The following SPOPL variants were observed in gnomAD, a reference collection of about 807,000 sequenced individuals.
SPOPL encodes the protein speckle-type POZ protein-like.
Under a neutral mutation model 53.8 loss-of-function variants are expected in SPOPL, and 23 were observed. The ratio of observed to expected loss-of-function variants is 0.43; its 90% CI spans 0.31 to 0.61. The LOEUF is 0.61. SPOPL is among the 20% of genes least tolerant of loss of function. The probability of loss-of-function intolerance (pLI) is 0.12; values close to 1 mark genes in which losing one functional copy is unlikely to be tolerated. For synonymous variants in SPOPL, 164 were observed against 149.7 expected (o/e 1.10, Z -0.70); for missense variants, 442 against 466.9 (o/e 0.95, Z 0.49).
At chr2:138,533,172 A>G (rs1346430157) in intron 1 of SPOPL, among the ~76,000 whole-genome samples, 1 of 152,220 alleles carries the variant, frequency 6.6e-6, no homozygotes, top group South Asian at 2.1e-4. Context: ...AATTTAATAA[A>G]CAAAGGAGAG....
chr2:138,503,411 C>G (rs746201969), intron 1 of SPOPL, among the ~76,000 whole-genome samples: 47 of 152,166 alleles, frequency 3.1e-4, no homozygotes, highest in Non-Finnish European at 6.0e-4. Context: ...TGGCACAGGG[C>G]AAATATCTGA....
chr2:138,558,898 T>C (rs769135863), intron 5 of SPOPL, 124 bp from the exon 6 acceptor site: 18 of 654,736 alleles, frequency 2.7e-5, no homozygotes, highest in Admixed American at 1.2e-4. Flanking sequence ...ATATTAGAAA[T>C]TTTGATTAGG....
chr2:138,564,540 A>T, intron 8 of SPOPL, 168 bp from the exon 9 acceptor site: 1 of 694,044 alleles, frequency 1.4e-6, no homozygotes, highest in Non-Finnish European at 2.2e-6. Flanking sequence ...TTCTAAGTGC[A>T]TTTGTTTATA....
chr2:138,568,999 A>G lies in SPOPL; in HGVS notation c.1098A>G (p.Leu366=), dbSNP rs373978895. The G allele has an allele frequency of 4.0e-5, 65 of 1,614,006 alleles. No individual in the cohort carries two copies. The highest frequency in any genetic ancestry group is 5.1e-5 in the Non-Finnish European group (60 of 1,179,954). ...WKSMIQSHPH[L]VAEAFRALAS... ...CCATGATTCAGTCTCACCCTCATTTAGTAGCAGAAGCCTTTCGAGCACTAG... is the reference window on the plus strand; with the variant it reads ...CCATGATTCAGTCTCACCCTCATTTGGTAGCAGAAGCCTTTCGAGCACTAG... Residue 366 remains leucine (L), a synonymous_variant, in exon 11 of 11, where the codon TTA becomes TTG. Coordinates refer to ENST00000280098, the MANE Select transcript of SPOPL (RefSeq NM_001001664.3).
chr2:138,521,645 G>A (rs962521826), intron 1 of SPOPL, among the ~76,000 whole-genome samples: 17 of 152,118 alleles, frequency 1.1e-4, no homozygotes, highest in African/African-American at 3.4e-4. Flanking sequence ...ATAACAGCAT[G>A]TGTTAATAGC....
intron 1 of SPOPL, among the ~76,000 whole-genome samples, chr2:138,525,663 A>AAAAAAAAAAAAAAAAAAAAC (rs1558865850): frequency 3.1e-5 from 4 of 130,472 alleles, no homozygotes; most frequent in Non-Finnish European, 3.1e-5. Context: ...GTAGAAAAAA[A>AAAAAAAAAAAAAAAAAAAAC]AAAAAAAAAA....
chr2:138,507,345 AT>A (rs1684236613), intron 1 of SPOPL, among the ~76,000 whole-genome samples: 1 of 150,736 alleles, frequency 6.6e-6, no homozygotes. Flanking sequence ...AATACTCACT[AT>A]TTATCAGACA....
intron 1 of SPOPL, among the ~76,000 whole-genome samples, chr2:138,543,719 CCTT>C (rs1176754810): frequency 1.3e-5 from 2 of 152,228 alleles, no homozygotes; most frequent in South Asian, 2.1e-4. Flanking sequence ...TCGTCTGAAG[CCTT>C]CTTCTCTCAA....
intron 5 of SPOPL, among the ~76,000 whole-genome samples, chr2:138,554,045 A>G (rs1343364795): frequency 2.0e-5 from 3 of 150,102 alleles, no homozygotes; most frequent in Non-Finnish European, 4.4e-5. Flanking sequence ...AGTTTTAGAA[A>G]TGAACCTTTT....
intron 1 of SPOPL, among the ~76,000 whole-genome samples, chr2:138,519,056 A>G (rs914187700): frequency 6.6e-6 from 1 of 152,204 alleles, no homozygotes; most frequent in Non-Finnish European, 1.5e-5. Flanking sequence ...CATATTATAG[A>G]CAAGAAAACT....
chr2:138,530,730 GTGTGTC>G (rs1684788174), intron 1 of SPOPL, among the ~76,000 whole-genome samples: 1 of 152,100 alleles, frequency 6.6e-6, no homozygotes, highest in South Asian at 2.1e-4. Flanking sequence ...ATTCCTGTTA[GTGTGTC>G]TGACTTAAGC....
At chr2:138,538,529 T>A (rs1462647312) in intron 1 of SPOPL, among the ~76,000 whole-genome samples, 1 of 152,204 alleles carries the variant, frequency 6.6e-6, no homozygotes. Context: ...AGCTCTCTTC[T>A]GCATGAAATA....
intron 1 of SPOPL, among the ~76,000 whole-genome samples, chr2:138,510,513 G>A (rs1471018737): frequency 6.6e-6 from 1 of 152,176 alleles, no homozygotes; most frequent in Admixed American, 6.5e-5. Context: ...TGTTAGAGGG[G>A]TGTTGAAGTG....
At chr2:138,519,437 A>AT (rs1684510517) in intron 1 of SPOPL, among the ~76,000 whole-genome samples, 1 of 149,174 alleles carries the variant, frequency 6.7e-6, no homozygotes, top group African/African-American at 2.4e-5. Flanking sequence ...AAAAAAAAAA[A>AT]ACAACTCTGT....
intron 10 of SPOPL, among the ~76,000 whole-genome samples, chr2:138,566,414 G>C (rs1008003262): frequency 3.3e-4 from 50 of 151,942 alleles, no homozygotes; most frequent in Admixed American, 6.6e-5. Context: ...AGCTTGTTTT[G>C]TACCCCCTTG....
chr2:138,506,149 G>A (rs1335244961), intron 1 of SPOPL, among the ~76,000 whole-genome samples: 1 of 152,236 alleles, frequency 6.6e-6, no homozygotes, highest in Non-Finnish European at 1.5e-5. Context: ...CTGCTCTGCA[G>A]AGAACAGGTT....
At chr2:138,544,503 A>C (rs1490108359) in intron 1 of SPOPL, among the ~76,000 whole-genome samples, 1 of 152,156 alleles carries the variant, frequency 6.6e-6, no homozygotes, top group Non-Finnish European at 1.5e-5. Context: ...GCAATGAGCG[A>C]GGCTCCCTGG....
chr2:138,551,123 T>C, intron 4 of SPOPL, 69 bp downstream of exon 4: 1 of 1,541,282 alleles, frequency 6.5e-7, no homozygotes, highest in Admixed American at 2.1e-5. Context: ...TCTGCACCTT[T>C]ACCTAGAAAA....
At chr2:138,537,921 T>C (rs1684972330) in intron 1 of SPOPL, among the ~76,000 whole-genome samples, 1 of 152,184 alleles carries the variant, frequency 6.6e-6, no homozygotes, top group African/African-American at 2.4e-5. Context: ...CGCTGAAAGT[T>C]TTTTTCATTA....
Sources: allele counts gnomAD v4.1 joint callset (sites outside exome capture counted in the v4.1 genomes callset), GRCh38; gene constraint gnomAD v4.1.1; transcripts MANE v1.5; gene names NCBI Gene and HGNC (gene_info 2026-07-23, HGNC 2026-07-21).